The following CA8 variants were observed in gnomAD, a reference collection of about 807,000 sequenced individuals.
CA8 encodes carbonic anhydrase-related protein.
CA8 carries 22 observed loss-of-function variants against 41.4 expected under a neutral mutation model. That is an observed-to-expected ratio of 0.53 (90% CI 0.38 to 0.76). The LOEUF is 0.76. CA8 is among the 30% of genes least tolerant of loss of function. The pLI is 0.00. For missense variants in CA8, 270 were observed against 352.8 expected (o/e 0.77, Z 1.88); for synonymous variants, 121 against 130.6 (o/e 0.93, Z 0.50).
At chr8:60,221,011 A>T (rs988540483) in intron 7 of CA8, among the ~76,000 whole-genome samples, 2 of 152,188 alleles carry the variant, frequency 1.3e-5, no homozygotes, top group Non-Finnish European at 2.9e-5. Context: ...AGAAACACAC[A>T]TGTTGAATTT....
chr8:60,223,218 G>A (rs1319110322), intron 6 of CA8, among the ~76,000 whole-genome samples: 2 of 152,320 alleles, frequency 1.3e-5, no homozygotes, highest in East Asian at 1.9e-4. Context: ...GTAGTAGTTT[G>A]CCTGAGGTCA....
At chr8:60,280,927 T>C in intron 1 of CA8, 121 bp downstream of exon 1, 1 of 739,858 alleles carries the variant, frequency 1.4e-6, no homozygotes. Context: ...GAGACCCCCG[T>C]GGGAAAGAGG....
chr8:60,266,179 T>C, intron 2 of CA8, 130 bp from the exon 3 acceptor site: 1 of 827,894 alleles, frequency 1.2e-6, no homozygotes, highest in East Asian at 2.7e-5. Flanking sequence ...AAAGCCAAAA[T>C]GAGAAATTTA....
chr8:60,211,282 C>T (rs1288120730), intron 7 of CA8, among the ~76,000 whole-genome samples: 2 of 152,198 alleles, frequency 1.3e-5, no homozygotes, highest in African/African-American at 4.8e-5. Context: ...TGAAGTGAAA[C>T]CTTCAGCACT....
chr8:60,275,520 A>G (rs925607971), intron 2 of CA8, among the ~76,000 whole-genome samples: 1 of 152,166 alleles, frequency 6.6e-6, no homozygotes, highest in Non-Finnish European at 1.5e-5. Flanking sequence ...GAAATTAAAA[A>G]CAAGAAAGCA....
rs1462164820 is a variant in CA8, at chr8:60,187,467, T to C, written c.*2554A>G. ...AGCAGAAGTTAGTCTGCTTTCTTAC[T>C]AATCTTACTATTTTGTAAGATTTGA... is the stretch of plus-strand genomic sequence containing the variant. On this transcript the variant is annotated 3_prime_UTR_variant, in exon 9 of 9. Coordinates refer to ENST00000317995, the MANE Select transcript of CA8 (RefSeq NM_004056.6). The C allele has an allele frequency of 6.6e-6, 1 of 152,126 alleles. No homozygotes were observed. The highest frequency in any genetic ancestry group is 1.9e-4 in the East Asian group (1 of 5,194). 9.4% of individuals were successfully genotyped at this position (152,126 alleles called of 1,614,324 possible).
intron 2 of CA8, among the ~76,000 whole-genome samples, chr8:60,279,067 A>G (rs962901420): frequency 5.3e-5 from 8 of 152,200 alleles, no homozygotes; most frequent in Admixed American, 2.6e-4. Context: ...TTTCAGATCC[A>G]TCTCAAATAG....
chr8:60,200,502 C>A (rs942674550), intron 8 of CA8, among the ~76,000 whole-genome samples: 1 of 152,068 alleles, frequency 6.6e-6, no homozygotes, highest in African/African-American at 2.4e-5. Flanking sequence ...AGAACCATAA[C>A]CTATATATAA....
intron 3 of CA8, among the ~76,000 whole-genome samples, chr8:60,238,023 G>T (rs1258302236): frequency 6.6e-6 from 1 of 152,146 alleles, no homozygotes; most frequent in Non-Finnish European, 1.5e-5. Flanking sequence ...ATCTTGGACC[G>T]AGCTTTTGCT....
chr8:60,225,348 T>C (rs1807395681), intron 5 of CA8, among the ~76,000 whole-genome samples: 2 of 152,142 alleles, frequency 1.3e-5, no homozygotes, highest in South Asian at 4.1e-4. Flanking sequence ...TCCAAGTCCC[T>C]TCCTGACTCC....
At chr8:60,268,158 A>G (rs771866231) in intron 2 of CA8, among the ~76,000 whole-genome samples, 1 of 152,174 alleles carries the variant, frequency 6.6e-6, no homozygotes, top group Non-Finnish European at 1.5e-5. Context: ...TCTAAAACAA[A>G]GTGATAAAAC....
At chr8:60,201,096 T>C (rs1329707473) in intron 8 of CA8, among the ~76,000 whole-genome samples, 1 of 151,818 alleles carries the variant, frequency 6.6e-6, no homozygotes, top group Non-Finnish European at 1.5e-5. Flanking sequence ...AAATATGGGG[T>C]AAGGTAAAGA....
intron 8 of CA8, among the ~76,000 whole-genome samples, chr8:60,203,740 T>C (rs2130405158): frequency 6.6e-6 from 1 of 152,328 alleles, no homozygotes; most frequent in Non-Finnish European, 1.5e-5. Context: ...CACTTGTTTT[T>C]TTAGCATTTT....
At chr8:60,264,366 C>T (rs1178018070) in intron 3 of CA8, among the ~76,000 whole-genome samples, 4 of 152,194 alleles carry the variant, frequency 2.6e-5, no homozygotes, top group Admixed American at 2.6e-4. Context: ...CCTTTCAAAC[C>T]CAAAGAGGGA....
Position 60,281,221 on chromosome 8 carries a change from G to C in CA8, c.-74C>G. ...TTCGCTGGGCGCGGGGCTGGAGCCG[G>C]AGCGGAGCGCGCGTGGGGGAGTGTG... is the stretch of plus-strand genomic sequence containing the variant. On this transcript the variant is annotated 5_prime_UTR_variant, in exon 1 of 9. Transcript: ENST00000317995. The C allele has an allele frequency of 9.2e-7, 1 of 1,090,438 alleles. No homozygotes were observed. The highest frequency in any genetic ancestry group is 1.4e-6 in the Non-Finnish European group (1 of 740,212). 67.5% of individuals were successfully genotyped at this position (1,090,438 alleles called of 1,614,324 possible).
intron 3 of CA8, among the ~76,000 whole-genome samples, chr8:60,240,096 C>G (rs890001253): frequency 2.6e-5 from 4 of 152,146 alleles, no homozygotes; most frequent in Admixed American, 1.3e-4. Context: ...GAAAGAGGGA[C>G]TATCAAATAT....
At chr8:60,252,056 A>C (rs1042651906) in intron 3 of CA8, among the ~76,000 whole-genome samples, 4 of 152,182 alleles carry the variant, frequency 2.6e-5, no homozygotes. Context: ...ATGCATCTTC[A>C]TTTGTGGGTT....
intron 2 of CA8, among the ~76,000 whole-genome samples, chr8:60,276,041 C>T (rs997189409): frequency 3.9e-5 from 6 of 152,184 alleles, no homozygotes; most frequent in African/African-American, 1.4e-4. Context: ...GACACATAGG[C>T]ATCCAAGCAT....
In CA8 at chr8:60,198,361, T is replaced by C. The variant is rs183974818; in HGVS notation, c.*36-8376A>G. ...TGTTCTTTTTGTTCCCATCACTCAC[T>C]AATATGTGTAACTTAGAATGAATAA... is the stretch of plus-strand genomic sequence containing the variant. On this transcript the variant is annotated intron_variant, in intron 8 of 8. Coordinates refer to ENST00000317995, the MANE Select transcript of CA8 (RefSeq NM_004056.6). Among the ~76,000 whole-genome samples the C allele has an allele frequency of 1.9e-3, 291 of 152,320 alleles. 1 individual carries two copies. Among genetic ancestry groups the C allele is most frequent in the Middle Eastern group, 0.01 (3 of 294 alleles).
Sources: gnomAD v4.1 joint callset for allele counts (sites outside exome capture counted in the v4.1 genomes callset) on GRCh38, gnomAD v4.1.1 for gene constraint, MANE v1.5 for transcripts, NCBI Gene and HGNC (gene_info 2026-07-23, HGNC 2026-07-21) for gene names.